Variants in MTFR1 observed in about 807,000 individuals in gnomAD.
MTFR1 encodes the protein chondrocyte protein with a poly-proline region.
A neutral mutation model predicts 38.8 loss-of-function variants in MTFR1; 28 were observed. The ratio of observed to expected loss-of-function variants is 0.72; its 90% confidence interval spans 0.53 to 0.99. The LOEUF (loss-of-function observed/expected upper bound fraction) is 0.99, where lower values mean the gene tolerates loss of function less well. Among genes scored for constraint, MTFR1 ranks in the 50% least tolerant of loss-of-function variants. The probability of loss-of-function intolerance (pLI) is 0.00; values close to 1 mark genes in which losing one functional copy is unlikely to be tolerated. For missense variants in MTFR1, 358 were observed against 395.5 expected, an observed-to-expected ratio of 0.91 and a Z score of 0.81; for synonymous variants, 145 against 137.0, an observed-to-expected ratio of 1.06 and a Z score of -0.41.
At chr8:65,672,760 A>T (rs1804598740) in intron 2 of MTFR1, among the ~76,000 whole-genome samples, 1 of 152,120 alleles carries the variant, frequency 6.6e-6, no homozygotes, top group South Asian at 2.1e-4. Flanking sequence ...TGTTATAGAG[A>T]TGGCTTTTTT....
At chr8:65,663,817 C>CTTT (rs1804287709) in intron 1 of MTFR1, among the ~76,000 whole-genome samples, 1 of 96,558 alleles carries the variant, frequency 1.0e-5, no homozygotes. Flanking sequence ...TTTTTAATTT[C>CTTT]TTTTCTTTTT....
chr8:65,739,885 T>G (rs1032661885), intron 3 of MTFR1, among the ~76,000 whole-genome samples: 4 of 152,168 alleles, frequency 2.6e-5, no homozygotes, highest in African/African-American at 9.7e-5. Context: ...ATAATGAGAA[T>G]AGACAATAGA....
At chr8:65,650,650 A>G (rs1057434319) in intron 1 of MTFR1, among the ~76,000 whole-genome samples, 4 of 152,222 alleles carry the variant, frequency 2.6e-5, no homozygotes, top group African/African-American at 9.6e-5. Context: ...TAATGGCTGA[A>G]TAGTACTCCG....
At chr8:65,715,379 G>GTTT (rs869132666), downstream of MTFR1, among the ~76,000 whole-genome samples, 1 of 133,364 alleles carries the variant, frequency 7.5e-6, no homozygotes, top group Non-Finnish European at 1.6e-5. Context: ...CTATAAAAAA[G>GTTT]TTTTTTTTTT....
intron 5 of MTFR1, 133 bp from the exon 6 acceptor site, chr8:65,706,877 C>T (rs1805794036): frequency 2.1e-6 from 2 of 970,144 alleles, no homozygotes; most frequent in Non-Finnish European, 3.0e-6. Context: ...TGTCTTGCTT[C>T]TTACATAACT....
At chr8:65,734,367 G>GT (rs1368401570) in intron 3 of MTFR1, among the ~76,000 whole-genome samples, 2 of 152,190 alleles carry the variant, frequency 1.3e-5, no homozygotes, top group Non-Finnish European at 2.9e-5. Context: ...GAGCACTGAA[G>GT]TAACTCCTGG....
chr8:65,665,903 G>A (rs902696076), intron 1 of MTFR1, among the ~76,000 whole-genome samples: 5 of 145,468 alleles, frequency 3.4e-5, no homozygotes, highest in African/African-American at 1.2e-4. Flanking sequence ...TACTAAAATG[G>A]CTTTATGCAT....
chr8:65,712,968 C>G (rs1247757231), downstream of MTFR1, among the ~76,000 whole-genome samples: 1 of 152,168 alleles, frequency 6.6e-6, no homozygotes, highest in Admixed American at 6.5e-5. Context: ...ACAATAAATA[C>G]TTCAAATCTG....
At chr8:65,773,929 A>C (rs1809184160), downstream of MTFR1, among the ~76,000 whole-genome samples, 1 of 152,184 alleles carries the variant, frequency 6.6e-6, no homozygotes, top group South Asian at 2.1e-4. Flanking sequence ...ACAATTGTAC[A>C]TTTCTTTATA....
intron 1 of MTFR1, among the ~76,000 whole-genome samples, chr8:65,662,033 CTCTCTCTCCCT>C (rs1809434080): frequency 3.3e-5 from 2 of 61,028 alleles, no homozygotes; most frequent in Non-Finnish European, 7.0e-5. Context: ...CTCTCTCTCC[CTCTCTCTCCCT>C]CTCTCTCTCC....
intron 1 of MTFR1, among the ~76,000 whole-genome samples, chr8:65,651,249 T>G (rs561695097): frequency 1.3e-5 from 2 of 152,234 alleles, no homozygotes; most frequent in South Asian, 4.1e-4. Context: ...GTGGGTTGTC[T>G]CTTCAGTTTA....
downstream of MTFR1, among the ~76,000 whole-genome samples, chr8:65,715,414 G>A (rs1806093842): frequency 6.8e-6 from 1 of 147,286 alleles, no homozygotes; most frequent in Admixed American, 6.8e-5. Flanking sequence ...GTCTTGCTCT[G>A]TCACCTAGGC....
chr8:65,732,558 C>T (rs1475808838), intron 3 of MTFR1, among the ~76,000 whole-genome samples: 2 of 152,196 alleles, frequency 1.3e-5, no homozygotes, highest in Non-Finnish European at 2.9e-5. Flanking sequence ...TAGGTTGTCA[C>T]CCAGGCTGCA....
At chr8:65,702,636 GT>G (rs996868852) in intron 4 of MTFR1, among the ~76,000 whole-genome samples, 1 of 152,024 alleles carries the variant, frequency 6.6e-6, no homozygotes, top group Non-Finnish European at 1.5e-5. Flanking sequence ...AATAGAGTAT[GT>G]TTTTTTACCT....
chr8:65,722,560 C>G (rs1301264586), intron 3 of MTFR1: 1 of 152,204 alleles, frequency 6.6e-6, no homozygotes, highest in Non-Finnish European at 1.5e-5. Flanking sequence ...AAATTACACT[C>G]CTCCCTCTAT....
intron 3 of MTFR1, among the ~76,000 whole-genome samples, chr8:65,688,120 G>T (rs572992287): frequency 3.6e-5 from 5 of 139,946 alleles, no homozygotes; most frequent in Admixed American, 2.9e-4. Context: ...AAAAAAACAG[G>T]CCGGGCATGG....
At chr8:65,730,288 C>T (rs1249187736) in intron 3 of MTFR1, among the ~76,000 whole-genome samples, 1 of 141,366 alleles carries the variant, frequency 7.1e-6, no homozygotes, top group African/African-American at 2.6e-5. Context: ...TTAAGTGATT[C>T]TTCTGCCTCA....
rs534341812 is a variant in MTFR1, at chr8:65,724,705, G to C, written c.*48+5224G>C. The C allele has an allele frequency of 3.8e-6, 5 of 1,315,138 alleles. No individual in the cohort carries two copies. In the South Asian group the frequency reaches 6.9e-5, roughly 18 times the overall value. 81.5% of individuals were successfully genotyped at this position (1,315,138 alleles called of 1,614,324 possible). A position where few individuals can be genotyped will look rare whatever the true frequency, so the allele number is the denominator to read the frequency against. On this transcript the variant is annotated intron_variant, in intron 3 of 3. Coordinates refer to the MTFR1 transcript ENST00000521247. Reference sequence around the variant, plus strand: ...TTAACCATTCTGAAAAACTACACTAGAATATTCATTTTTTAGTTTGACAGT... The same window carrying C: ...TTAACCATTCTGAAAAACTACACTACAATATTCATTTTTTAGTTTGACAGT...
intron 2 of MTFR1, among the ~76,000 whole-genome samples, chr8:65,676,463 A>G (rs143735253): frequency 0.013 from 1,916 of 152,218 alleles, 41 homozygotes; most frequent in African/African-American, 0.044. Flanking sequence ...TCCCGGATTC[A>G]AGTGATTCTC....
Sources: allele counts gnomAD v4.1 joint callset (sites outside exome capture counted in the v4.1 genomes callset), GRCh38; gene constraint gnomAD v4.1.1; transcripts MANE v1.5; gene names NCBI Gene and HGNC (gene_info 2026-07-23, HGNC 2026-07-21).